CREB3L2: variants seen among roughly 807,000 people sequenced by gnomAD.
The protein encoded by CREB3L2 is cyclic AMP-responsive element-binding protein 3-like protein 2.
A neutral mutation model predicts 57.2 loss-of-function variants in CREB3L2; 23 were observed. The observed-to-expected ratio is 0.40, with a 90% CI of 0.29 to 0.57. CREB3L2 has a LOEUF of 0.57. Ranked by LOEUF, CREB3L2 falls within the 20% of genes least tolerant of loss-of-function variation. The pLI is 0.42. For synonymous variants in CREB3L2, 268 were observed against 265.1 expected (o/e 1.01, Z -0.11); for missense variants, 628 against 634.7 (o/e 0.99, Z 0.11).
At chr7:137,930,725 G>C (rs1800597988) in intron 1 of CREB3L2, among the ~76,000 whole-genome samples, 2 of 152,152 alleles carry the variant, frequency 1.3e-5, no homozygotes, top group African/African-American at 4.8e-5. Context: ...TTGTCTATGA[G>C]AACAAGAGAC....
rs1328543455 is a variant in CREB3L2, at chr7:137,876,483, A to C, written c.*3993T>G. On this transcript the variant is annotated 3_prime_UTR_variant, in exon 12 of 12. Transcript: ENST00000330387. ...AATATTCCCTAGGGCCTCAGGCAAC[A>C]CTCTTCCTTATGAAACTGAAAAGTC... 1 of 232,640 alleles carries C rather than the reference A, an allele frequency of 4.3e-6. No individual in the cohort carries two copies. Among genetic ancestry groups the C allele is most frequent in the Non-Finnish European group, 8.5e-6 (1 of 117,870 alleles). The allele number at this position is 232,640 out of a possible 1,614,324, so 14.4% of individuals were successfully genotyped here.
intron 8 of CREB3L2, among the ~76,000 whole-genome samples, chr7:137,889,782 C>T (rs6467722): frequency 0.14 from 21,525 of 152,186 alleles, 4,693 homozygotes; most frequent in African/African-American, 0.47. Context: ...ACAACAGAAA[C>T]ACTCCTTTTC....
rs1440390823 is a variant in CREB3L2, at chr7:137,899,119, AGG to A, written c.1043+2233_1043+2234del. Among the ~76,000 whole-genome samples, 92 of 123,522 alleles carry A rather than the reference AGG, an allele frequency of 7.4e-4. No homozygotes were observed. The East Asian group carries it at 0.01, about 14-fold the overall frequency. The allele number at this position is 123,522 out of a possible 152,430, so 81.0% of individuals were successfully genotyped here. ...AGAGAAGGAAGGAAGGAAGGAAGGA[AGG>A]AAGGAAGGAAGGAAGGAAGGAAGGA... On this transcript the variant is annotated intron_variant, in intron 8 of 11. Transcript: ENST00000330387.
chr7:137,918,036 C>A (rs7797164), intron 2 of CREB3L2, among the ~76,000 whole-genome samples: 5,012 of 152,110 alleles, frequency 0.033, 287 homozygotes, highest in African/African-American at 0.11. Flanking sequence ...GGACCACGAG[C>A]CAAAAGATTC....
chr7:137,920,559 CAG>C (rs1353342649), intron 2 of CREB3L2, among the ~76,000 whole-genome samples: 4 of 152,152 alleles, frequency 2.6e-5, no homozygotes, highest in Admixed American at 6.5e-5. Flanking sequence ...TATGCCGCAA[CAG>C]AGCTAGCTGA....
chr7:137,923,547 T>G (rs939613901), intron 2 of CREB3L2, among the ~76,000 whole-genome samples: 1 of 152,216 alleles, frequency 6.6e-6, no homozygotes, highest in African/African-American at 2.4e-5. Flanking sequence ...TTCAGAGTGA[T>G]GTTCTTGTCA....
intron 1 of CREB3L2, among the ~76,000 whole-genome samples, chr7:137,954,609 T>A (rs1444430588): frequency 6.6e-6 from 1 of 152,220 alleles, no homozygotes; most frequent in Non-Finnish European, 1.5e-5. Context: ...TCCTATTTTT[T>A]AAAATGAATA....
At chr7:137,968,474 C>G (rs1428832050) in intron 1 of CREB3L2, among the ~76,000 whole-genome samples, 1 of 151,994 alleles carries the variant, frequency 6.6e-6, no homozygotes, top group Non-Finnish European at 1.5e-5. Context: ...GGTTTTCTGT[C>G]CTTGTGATAT....
At chr7:137,964,596 G>A (rs1173712690) in intron 1 of CREB3L2, among the ~76,000 whole-genome samples, 1 of 152,196 alleles carries the variant, frequency 6.6e-6, no homozygotes, top group Non-Finnish European at 1.5e-5. Context: ...CCACAAAGAT[G>A]GGGAGGGAAC....
chr7:137,938,229 G>A (rs1245873576), intron 1 of CREB3L2, among the ~76,000 whole-genome samples: 3 of 152,204 alleles, frequency 2.0e-5, no homozygotes, highest in Admixed American at 1.3e-4. Context: ...TATGATGGTA[G>A]ATGTTGACAG....
intron 1 of CREB3L2, chr7:137,953,274 C>G: frequency 2.7e-6 from 1 of 366,442 alleles, no homozygotes; most frequent in Non-Finnish European, 5.4e-6. Flanking sequence ...GTGGGATTAG[C>G]TCCCGGTGGT....
chr7:137,885,750 G>A (rs1799404181), intron 8 of CREB3L2, among the ~76,000 whole-genome samples: 1 of 152,182 alleles, frequency 6.6e-6, no homozygotes, highest in Non-Finnish European at 1.5e-5. Context: ...TGAGTTAGAG[G>A]TAACTGCCTC....
intron 1 of CREB3L2, among the ~76,000 whole-genome samples, chr7:137,992,903 A>G (rs1801924933): frequency 6.6e-6 from 1 of 152,216 alleles, no homozygotes; most frequent in Non-Finnish European, 1.5e-5. Context: ...CCCAGCGGGC[A>G]GAGGATACAG....
At position 137,908,255 on chromosome 7, in the gene CREB3L2, A is replaced by G; in HGVS notation, c.765T>C (p.Pro255=). 8.0e-7 allele frequency: 1 copy of G among 1,257,238 alleles called. No homozygotes were observed. The allele number at this position is 1,257,238 out of a possible 1,614,324, so 77.9% of individuals were successfully genotyped here. ...GGAATGCCCGCTGCATACTTACATG[A>G]GGAGCCGTGAGGAGAGGGGAGCTGG... ...ALSSSPLLTA[P]HKLQGSGPLV... The change falls in exon 5 of 12, where the codon CCT becomes CCC. Residue 255 remains proline (P), a synonymous_variant. Coordinates refer to ENST00000330387, the MANE Select transcript of CREB3L2 (RefSeq NM_194071.4).
rs542304658 is a variant in CREB3L2, at chr7:137,988,636, C to T, written c.102+12968G>A. On this transcript the variant is annotated intron_variant, in intron 1 of 11. Transcript: ENST00000330387. ...TGGAGTCATGTGGTGAATCCCAACA[C>T]TCTTGAACAGGTTAATGAGTACAAA... Among the ~76,000 whole-genome samples, 3 of 152,312 alleles carry T rather than the reference C, an allele frequency of 2.0e-5. No individual in the cohort carries two copies. In the South Asian group the frequency reaches 6.2e-4, roughly 32 times the overall value.
Position 137,877,181 on chromosome 7 carries a change from GA to G in CREB3L2, c.*3294del, listed in dbSNP as rs893717371. ...CAAGCTGAACCAAGAGATTTAGGAA[GA>G]AAAAAAAAAACATGGTAATTATAAG... On this transcript the variant is annotated 3_prime_UTR_variant, in exon 12 of 12. Transcript: ENST00000330387. 4.9e-3 allele frequency: 976 copies of G among 200,588 alleles called. 1 individual carries two copies. Among genetic ancestry groups the G allele is most frequent in the Middle Eastern group, 0.011 (7 of 628 alleles). The allele number at this position is 200,588 out of a possible 1,614,324, so 12.4% of individuals were successfully genotyped here.
chr7:137,879,498 G>A lies in CREB3L2; in HGVS notation c.*978C>T, dbSNP rs996625618. 13 of 329,042 alleles carry A rather than the reference G, an allele frequency of 4.0e-5. No individual in the cohort carries two copies. The highest frequency in any genetic ancestry group is 6.3e-5 in the Non-Finnish European group (11 of 173,282). The allele number at this position is 329,042 out of a possible 1,614,324, so 20.4% of individuals were successfully genotyped here. On this transcript the variant is annotated 3_prime_UTR_variant, in exon 12 of 12. Coordinates refer to ENST00000330387, the MANE Select transcript of CREB3L2 (RefSeq NM_194071.4). Reference sequence around the variant, plus strand: ...TGAGTGAGGCATTGTGTCATCTCTCGCTCTGAGCTCATCCTAGAGGCAGAC... The same window carrying A: ...TGAGTGAGGCATTGTGTCATCTCTCACTCTGAGCTCATCCTAGAGGCAGAC...
chr7:137,924,081 G>A (rs574361657), intron 2 of CREB3L2, among the ~76,000 whole-genome samples: 1 of 152,238 alleles, frequency 6.6e-6, no homozygotes, highest in South Asian at 2.1e-4. Context: ...TAAGGTATCT[G>A]TAGTGAACCA....
At chr7:137,891,309 G>T (rs1027925284) in intron 8 of CREB3L2, among the ~76,000 whole-genome samples, 13 of 152,130 alleles carry the variant, frequency 8.5e-5, no homozygotes, top group Non-Finnish European at 1.6e-4. Context: ...TCCAAGAGTG[G>T]GAGACACAAT....
Sources: gnomAD v4.1 joint callset for allele counts (sites outside exome capture counted in the v4.1 genomes callset) on GRCh38, gnomAD v4.1.1 for gene constraint, MANE v1.5 for transcripts, NCBI Gene and HGNC (gene_info 2026-07-23, HGNC 2026-07-21) for gene names.